Variants in MYO10 observed in about 807,000 individuals in gnomAD.
The protein encoded by MYO10 is unconventional myosin-X.
A neutral mutation model predicts 257.3 loss-of-function variants in MYO10; 133 were observed. The ratio of observed to expected loss-of-function variants is 0.52; its 90% CI spans 0.45 to 0.60. The LOEUF (loss-of-function observed/expected upper bound fraction) is 0.60. Ranked by LOEUF, MYO10 falls within the 20% of genes least tolerant of loss-of-function variation. The pLI, the probability that MYO10 is intolerant of heterozygous loss-of-function variation, is 0.00. For synonymous variants in MYO10, 1,104 were observed against 1,028.6 expected, an observed-to-expected ratio of 1.07 and a Z score of -1.40; for missense variants, 2,399 against 2,635.7, an observed-to-expected ratio of 0.91 and a Z score of 1.97.
rs1025726476 is a variant in MYO10 at position 16,687,213 on chromosome 5, C to T, written c.3897-1382G>A. Among the ~76,000 whole-genome samples the T allele has an allele frequency of 2.6e-5, 4 of 151,480 alleles. No homozygotes were observed. In the East Asian group the frequency reaches 5.8e-4, roughly 22 times the overall value. On this transcript the variant is annotated intron_variant, in intron 28 of 40. Coordinates refer to ENST00000513610, the MANE Select transcript of MYO10 (RefSeq NM_012334.3). ...GTACATGCTTATAGTCCCAGCTACT[C>T]GGGAGGCTGAGGCAGGAGGATCACC...
chr5:16,777,839 CTTTTTTT>C lies in MYO10; in HGVS notation c.930+1699_930+1705del, dbSNP rs61326508. ...GCCACCCTAGGTGCATTGCATCTAA[CTTTTTTT>C]TTTTTTTTTTTTTTTTTTTTTGAGA... On this transcript the variant is annotated intron_variant, in intron 9 of 40. Coordinates refer to ENST00000513610, the MANE Select transcript of MYO10 (RefSeq NM_012334.3). 1.6e-3 allele frequency among the ~76,000 whole-genome samples: 140 copies of C among 88,468 alleles called. 1 individual carries two copies. Among genetic ancestry groups the C allele is most frequent in the African/African-American group, 6.2e-3 (116 of 18,644 alleles). The allele number at this position is 88,468 out of a possible 152,430, so 58.0% of individuals were successfully genotyped here.
intron 1 of MYO10, among the ~76,000 whole-genome samples, chr5:16,888,033 CAT>C (rs748301584): frequency 3.9e-5 from 6 of 152,312 alleles, no homozygotes; most frequent in South Asian, 2.1e-4. Flanking sequence ...GTAGCCAACA[CAT>C]ATATGTTTAT....
At chr5:16,839,018 C>CTTGG (rs1346848378) in intron 2 of MYO10, among the ~76,000 whole-genome samples, 8 of 152,272 alleles carry the variant, frequency 5.3e-5, no homozygotes, top group African/African-American at 1.4e-4. Context: ...CCCAAGAGCT[C>CTTGG]TGATAAAGAT....
intron 1 of MYO10, among the ~76,000 whole-genome samples, chr5:16,881,788 T>C (rs919538135): frequency 6.6e-6 from 1 of 152,174 alleles, no homozygotes; most frequent in African/African-American, 2.4e-5. Flanking sequence ...CACAAGCATT[T>C]GAAAACAAAG....
intron 1 of MYO10, among the ~76,000 whole-genome samples, chr5:16,908,403 C>G (rs1241188291): frequency 6.6e-6 from 1 of 152,080 alleles, no homozygotes; most frequent in East Asian, 1.9e-4. Flanking sequence ...TGGCACACAC[C>G]TGTAATCCCA....
At chr5:16,929,958 CT>C (rs1041035364) in intron 1 of MYO10, among the ~76,000 whole-genome samples, 10 of 152,094 alleles carry the variant, frequency 6.6e-5, no homozygotes, top group Non-Finnish European at 1.3e-4. Flanking sequence ...AGCATCTCCC[CT>C]TCCCGCCATA....
chr5:16,793,168 C>A (rs1462833726), intron 4 of MYO10, among the ~76,000 whole-genome samples: 4 of 152,280 alleles, frequency 2.6e-5, no homozygotes, highest in African/African-American at 9.6e-5. Flanking sequence ...CTAGAAGAGA[C>A]TGACATGCAT....
intron 19 of MYO10, among the ~76,000 whole-genome samples, chr5:16,724,720 C>T (rs1017315833): frequency 6.6e-6 from 1 of 151,690 alleles, no homozygotes; most frequent in Non-Finnish European, 1.5e-5. Context: ...TCCCCACTAA[C>T]TAATTTGTTG....
chr5:16,687,557 A>G (rs1318549018), intron 28 of MYO10, among the ~76,000 whole-genome samples: 1 of 151,794 alleles, frequency 6.6e-6, no homozygotes, highest in Admixed American at 6.6e-5. Context: ...GAGGGGAAGT[A>G]CTTGGTATCC....
intron 2 of MYO10, among the ~76,000 whole-genome samples, chr5:16,847,154 G>A (rs1029287800): frequency 6.7e-5 from 10 of 148,828 alleles, no homozygotes; most frequent in South Asian, 6.5e-4. Context: ...ATTGCTGGCC[G>A]GGCACAGTGG....
In MYO10 at chr5:16,685,045, C is replaced by CA. The variant is rs371145574; in HGVS notation, c.3990+692dup. Among the ~76,000 whole-genome samples the CA allele has an allele frequency of 8.6e-3, 1,183 of 137,556 alleles. 11 individuals are homozygous for CA. The highest frequency in any genetic ancestry group is 0.027 in the African/African-American group (1,006 of 37,438). 90.2% of individuals were successfully genotyped at this position (137,556 alleles called of 152,430 possible). A position where few individuals can be genotyped will look rare whatever the true frequency, so the allele number is the denominator to read the frequency against. On this transcript the variant is annotated intron_variant, in intron 29 of 40. Transcript: ENST00000513610. ...TGGGTGACAGAGTGAGACTCCATCT[C>CA]AAAAAAAAAAAATAAGAATACAATT...
Position 16,685,769 on chromosome 5 carries a change from T to C in MYO10, c.3959A>G (p.His1320Arg). ...ASTDQEIQEM[H>R]DEQANPQNAV... ...ATTCTGTGGGTTTGCCTGCTCATCA[T>C]GCATCTCCTGGATCTCCTGGTCCGT... Residue 1320 changes from histidine (H) to arginine (R), a missense_variant, in exon 29 of 41, where the codon CAT becomes CGT. Physicochemically the swap from His to Arg is conservative, Grantham distance 29. Coordinates refer to ENST00000513610, the MANE Select transcript of MYO10 (RefSeq NM_012334.3). 7.1e-7 allele frequency: 1 copy of C among 1,408,122 alleles called. No homozygotes were observed. Among genetic ancestry groups the C allele is most frequent in the East Asian group, 3.5e-5 (1 of 28,226 alleles). The allele number at this position is 1,408,122 out of a possible 1,614,324, so 87.2% of individuals were successfully genotyped here.
At chr5:16,804,513 G>A (rs944259747) in intron 3 of MYO10, among the ~76,000 whole-genome samples, 2 of 152,194 alleles carry the variant, frequency 1.3e-5, no homozygotes, top group African/African-American at 4.8e-5. Context: ...TTCTGAACCT[G>A]CTAAAACAGG....
chr5:16,686,246 A>C (rs1439761319), intron 28 of MYO10, among the ~76,000 whole-genome samples: 2 of 152,182 alleles, frequency 1.3e-5, no homozygotes, highest in Non-Finnish European at 2.9e-5. Context: ...TTTCTGTTTT[A>C]AAACATAAAT....
At chr5:16,716,477 C>T (rs1422371213) in intron 19 of MYO10, among the ~76,000 whole-genome samples, 8 of 103,792 alleles carry the variant, frequency 7.7e-5, no homozygotes. Context: ...CCGAGCCTTC[C>T]ATAATTTCAT....
intron 18 of MYO10, among the ~76,000 whole-genome samples, chr5:16,756,753 A>G (rs1330836906): frequency 6.6e-6 from 1 of 152,008 alleles, no homozygotes; most frequent in Admixed American, 6.6e-5. Context: ...TGGAAAGCTC[A>G]CCCACCCTTT....
intron 19 of MYO10, among the ~76,000 whole-genome samples, chr5:16,733,518 T>C (rs1276920482): frequency 6.6e-6 from 1 of 152,148 alleles, no homozygotes; most frequent in Non-Finnish European, 1.5e-5. Context: ...TAAATGGTAA[T>C]TTATTGGCAA....
chr5:16,780,416 C>T, intron 8 of MYO10, 108 bp downstream of exon 8: 1 of 1,031,172 alleles, frequency 9.7e-7, no homozygotes, highest in Non-Finnish European at 1.5e-6. Context: ...CATTTCATTG[C>T]TATCGGTGAA....
chr5:16,762,117 A>G lies in MYO10; in HGVS notation c.1588-4T>C, dbSNP rs761380189. The G allele has an allele frequency of 4.2e-6, 3 of 716,470 alleles. No homozygotes were observed. The highest frequency in any genetic ancestry group is 5.2e-6 in the Non-Finnish European group (3 of 572,884). The allele number at this position is 716,470 out of a possible 1,614,324, so 44.4% of individuals were successfully genotyped here. On this transcript the variant is annotated splice_region_variant and splice_polypyrimidine_tract_variant and intron_variant, in intron 15 of 40. Transcript: ENST00000513610. Reference sequence around the variant, plus strand: ...GCTTCACATAAAAGTGGTTATTCTAAAAAAAAAAAAAAAAAAAAAAAAAAA... The same window carrying G: ...GCTTCACATAAAAGTGGTTATTCTAGAAAAAAAAAAAAAAAAAAAAAAAAA...
Sources: gnomAD v4.1 joint callset for allele counts (sites outside exome capture counted in the v4.1 genomes callset) on GRCh38, gnomAD v4.1.1 for gene constraint, MANE v1.5 for transcripts, NCBI Gene and HGNC (gene_info 2026-07-23, HGNC 2026-07-21) for gene names.